Variants in NRXN3 observed in about 807,000 individuals in gnomAD.
The protein encoded by NRXN3 is neurexin III.
A neutral mutation model predicts 137.6 loss-of-function variants in NRXN3; 32 were observed. That is an observed-to-expected ratio of 0.23 (90% CI 0.18 to 0.31). NRXN3 has a LOEUF of 0.31. Among genes scored for constraint, NRXN3 ranks in the 10% least tolerant of loss-of-function variants. The pLI, the probability that NRXN3 is intolerant of heterozygous loss-of-function variation, is 1.00. For synonymous variants in NRXN3, 798 were observed against 784.5 expected (o/e 1.02, Z -0.29); for missense variants, 1,574 against 2,062.5 (o/e 0.76, Z 4.59).
At chr14:78,188,030 T>A (rs17754667) in intron 1 of NRXN3, among the ~76,000 whole-genome samples, 27,822 of 152,080 alleles carry the variant, frequency 0.18, 3,156 homozygotes, top group Middle Eastern at 0.27. Flanking sequence ...ACTCGGGCCA[T>A]GTGACTGTCC....
chr14:79,038,774 C>T (rs527574693), intron 15 of NRXN3, among the ~76,000 whole-genome samples: 1 of 152,216 alleles, frequency 6.6e-6, no homozygotes, highest in Admixed American at 6.5e-5. Context: ...GGAGAGTTTT[C>T]CACTGATGCC....
At chr14:79,646,754 A>G (rs1346494064) in intron 16 of NRXN3, among the ~76,000 whole-genome samples, 1 of 135,720 alleles carries the variant, frequency 7.4e-6, no homozygotes, top group South Asian at 2.3e-4. Context: ...ACACTATGCT[A>G]TAAGACAACT....
chr14:79,116,009 G>A (rs1011699760), intron 15 of NRXN3, among the ~76,000 whole-genome samples: 5 of 152,122 alleles, frequency 3.3e-5, no homozygotes, highest in South Asian at 2.1e-4. Flanking sequence ...AGGGATACAC[G>A]CAAGGTCACC....
chr14:79,797,797 A>G (rs2099165444), intron 19 of NRXN3, among the ~76,000 whole-genome samples: 2 of 152,246 alleles, frequency 1.3e-5, no homozygotes, highest in South Asian at 2.1e-4. Flanking sequence ...TTTTGATTAC[A>G]TATAAAAATC....
At chr14:78,899,886 A>G (rs2099189934) in intron 10 of NRXN3, among the ~76,000 whole-genome samples, 1 of 152,016 alleles carries the variant, frequency 6.6e-6, no homozygotes, top group African/African-American at 2.4e-5. Flanking sequence ...AAGATGTGAT[A>G]TTCCTCTGAT....
intron 4 of NRXN3, among the ~76,000 whole-genome samples, chr14:78,384,114 G>A (rs768004818): frequency 6.6e-6 from 1 of 152,200 alleles, no homozygotes; most frequent in Non-Finnish European, 1.5e-5. Context: ...ACCCAGAGGA[G>A]CAGGTGTTGA....
intron 19 of NRXN3, among the ~76,000 whole-genome samples, chr14:79,708,538 T>C (rs1197655440): frequency 1.3e-5 from 2 of 151,866 alleles, no homozygotes; most frequent in Admixed American, 1.3e-4. Flanking sequence ...TCTATTTATA[T>C]ATAATAGGAA....
intron 1 of NRXN3, among the ~76,000 whole-genome samples, chr14:78,203,916 T>A (rs188156082): frequency 1.3e-5 from 2 of 152,018 alleles, no homozygotes; most frequent in Admixed American, 6.6e-5. Flanking sequence ...TTTTTTTATT[T>A]GTTTACAGAA....
intron 15 of NRXN3, among the ~76,000 whole-genome samples, chr14:79,168,916 C>T (rs2061528434): frequency 6.6e-6 from 1 of 152,004 alleles, no homozygotes; most frequent in South Asian, 2.1e-4. Flanking sequence ...CAAATTCCTC[C>T]AAGTTAAGGG....
chr14:79,690,059 T>C (rs992951108), intron 17 of NRXN3, among the ~76,000 whole-genome samples: 5 of 152,148 alleles, frequency 3.3e-5, no homozygotes, highest in African/African-American at 1.2e-4. Context: ...CCCAAAGTAA[T>C]AGAATACATT....
At chr14:78,943,524 C>T (rs1027344362) in intron 10 of NRXN3, among the ~76,000 whole-genome samples, 13 of 147,088 alleles carry the variant, frequency 8.8e-5, no homozygotes, top group Non-Finnish European at 1.5e-4. Context: ...ATGAGGAGGG[C>T]TTCTGTGAGT....
chr14:79,357,873 T>G (rs185807911), intron 15 of NRXN3, among the ~76,000 whole-genome samples: 204 of 152,308 alleles, frequency 1.3e-3, no homozygotes, highest in Non-Finnish European at 2.6e-3. Flanking sequence ...TTTATGTGCA[T>G]GTGATTTTGG....
At chr14:78,393,193 T>C (rs1052703314) in intron 4 of NRXN3, among the ~76,000 whole-genome samples, 1 of 152,118 alleles carries the variant, frequency 6.6e-6, no homozygotes, top group Admixed American at 6.6e-5. Context: ...ATTTTTTTTT[T>C]TTACTTTTTT....
intron 15 of NRXN3, among the ~76,000 whole-genome samples, chr14:79,112,763 C>T (rs2053762702): frequency 6.6e-6 from 1 of 152,110 alleles, no homozygotes; most frequent in South Asian, 2.1e-4. Context: ...GAACAATTCA[C>T]CTGTTAGCAT....
rs2099367958 is a variant in NRXN3, at chr14:79,845,894, GAA to G, written c.4094-15446_4094-15445del. ...AGATGGAGAGAGAGAGAGATGGAGA[GAA>G]AGACAGAGAGAGAGACGGAGACAGA... On this transcript the variant is annotated intron_variant, in intron 20 of 20. Transcript: ENST00000335750. 2.8e-5 allele frequency among the ~76,000 whole-genome samples: 4 copies of G among 142,012 alleles called. 1 individual carries two copies. The highest frequency in any genetic ancestry group is 6.4e-5 in the Non-Finnish European group (4 of 62,992). The allele number at this position is 142,012 out of a possible 152,430, so 93.2% of individuals were successfully genotyped here. A position where few individuals can be genotyped will look rare whatever the true frequency, so the allele number is the denominator to read the frequency against.
At chr14:78,730,330 C>T (rs2098508938) in intron 8 of NRXN3, among the ~76,000 whole-genome samples, 1 of 152,142 alleles carries the variant, frequency 6.6e-6, no homozygotes, top group African/African-American at 2.4e-5. Context: ...CCCTCACTCC[C>T]TTTTTATTCA....
At chr14:78,233,174 T>C (rs986478531) in intron 1 of NRXN3, among the ~76,000 whole-genome samples, 2 of 152,132 alleles carry the variant, frequency 1.3e-5, no homozygotes, top group Non-Finnish European at 2.9e-5. Flanking sequence ...CTTTGTGTAG[T>C]CTTTGATGTG....
chr14:78,606,765 G>A (rs17107912), intron 4 of NRXN3, among the ~76,000 whole-genome samples: 2,927 of 152,260 alleles, frequency 0.019, 107 homozygotes, highest in East Asian at 0.18. Context: ...ACCTGCCAGC[G>A]TGTTGTTGAC....
intron 15 of NRXN3, among the ~76,000 whole-genome samples, chr14:79,115,463 A>G (rs1368364474): frequency 6.6e-6 from 1 of 152,216 alleles, no homozygotes; most frequent in Non-Finnish European, 1.5e-5. Flanking sequence ...TAAAAATGGT[A>G]CAAGATGATT....
Sources: gnomAD v4.1 joint callset for allele counts (sites outside exome capture counted in the v4.1 genomes callset) on GRCh38, gnomAD v4.1.1 for gene constraint, MANE v1.5 for transcripts, NCBI Gene and HGNC (gene_info 2026-07-23, HGNC 2026-07-21) for gene names.